Variants in NT5DC3 observed in about 807,000 individuals in gnomAD.
The protein encoded by NT5DC3 is 5'-nucleotidase domain containing 3, also known as 5'-nucleotidase domain-containing protein 3.
In NT5DC3, 42 loss-of-function variants were observed where a neutral mutation model predicts 67.8. The observed-to-expected ratio is 0.62, with a 90% CI of 0.48 to 0.80. The LOEUF (loss-of-function observed/expected upper bound fraction) is 0.80, where lower values mean the gene tolerates loss of function less well. Ranked by LOEUF, NT5DC3 falls within the 30% of genes least tolerant of loss-of-function variation. The pLI is 0.00. For missense variants in NT5DC3, 570 were observed against 696.4 expected, an observed-to-expected ratio of 0.82 and a Z score of 2.04; for synonymous variants, 237 against 255.6, an observed-to-expected ratio of 0.93 and a Z score of 0.69.
chr12:103,831,922 T>A (rs1345494043), intron 1 of NT5DC3, among the ~76,000 whole-genome samples: 1 of 151,682 alleles, frequency 6.6e-6, no homozygotes, highest in East Asian at 1.9e-4. Flanking sequence ...GATTACAGGC[T>A]CATGCCACCT....
intron 6 of NT5DC3, 66 bp from the exon 7 acceptor site, chr12:103,794,063 G>A: frequency 8.2e-7 from 1 of 1,224,540 alleles, no homozygotes; most frequent in Non-Finnish European, 1.2e-6. Context: ...CAGTACAAGT[G>A]AAATGGCAGT....
In NT5DC3 at chr12:103,790,694, C is replaced by CTT. The variant is rs67812943; in HGVS notation, c.1020-1777_1020-1776dup. Among the ~76,000 whole-genome samples, 664 of 74,398 alleles carry CTT rather than the reference C, an allele frequency of 8.9e-3. 9 individuals carry two copies. The highest frequency in any genetic ancestry group is 0.017 in the African/African-American group (315 of 18,434). 48.8% of individuals were successfully genotyped at this position (74,398 alleles called of 152,430 possible). ...CCACGGCACCCCGGCCCAAGTACAT[C>CTT]TTTTTTTTTTTTTTTTTTTTTTTTG... is the stretch of plus-strand genomic sequence containing the variant. On this transcript the variant is annotated intron_variant, in intron 9 of 13. Coordinates refer to ENST00000392876, the MANE Select transcript of NT5DC3 (RefSeq NM_001031701.3).
At chr12:103,813,036 C>G (rs1478461591) in intron 2 of NT5DC3, among the ~76,000 whole-genome samples, 4 of 152,212 alleles carry the variant, frequency 2.6e-5, no homozygotes, top group African/African-American at 9.7e-5. Context: ...ATTTGAACCC[C>G]AGCAGTGAGG....
chr12:103,753,413 C>CTTTATTTTTTTTTTTTTTTTTT, the NT5DC3 span: 1 of 1,610,234 alleles, frequency 6.2e-7, no homozygotes, highest in Non-Finnish European at 8.5e-7. Context: ...AAGTGCAGCC[C>CTTTATTTTTTTTTTTTTTTTTT]TTTCTTAAGA....
At chr12:103,827,383 T>C (rs754586832) in intron 1 of NT5DC3, among the ~76,000 whole-genome samples, 1 of 152,240 alleles carries the variant, frequency 6.6e-6, no homozygotes, top group Non-Finnish European at 1.5e-5. Flanking sequence ...AAAAGTCTAC[T>C]TGAGACTAAT....
At chr12:103,755,676 G>C in the NT5DC3 span, 2 of 1,614,174 alleles carry the variant, frequency 1.2e-6, no homozygotes, top group East Asian at 4.5e-5. Flanking sequence ...GGAACCTGCT[G>C]CAGGTCCTGA....
chr12:103,779,173 A>G (rs1885449714), intron 13 of NT5DC3, among the ~76,000 whole-genome samples: 1 of 152,178 alleles, frequency 6.6e-6, no homozygotes, highest in African/African-American at 2.4e-5. Context: ...ACCATTACAT[A>G]CTTCAATGCC....
the NT5DC3 span, among the ~76,000 whole-genome samples, chr12:103,765,086 C>CAAAAAA: frequency 3.0e-5 from 2 of 66,516 alleles, no homozygotes; most frequent in Non-Finnish European, 5.6e-5. Context: ...GACTCTGTCT[C>CAAAAAA]AAAAAAAAAA....
At position 103,814,952 on chromosome 12, in the gene NT5DC3, G is replaced by T; in HGVS notation, c.378C>A (p.Leu126=). 6.2e-7 allele frequency: 1 copy of T among 1,607,174 alleles called. No homozygotes were observed. Among genetic ancestry groups the T allele is most frequent in the South Asian group, 1.1e-5 (1 of 89,232 alleles). Residue 126 remains leucine, a synonymous_variant, in exon 2 of 14, where the codon CTC becomes CTA. Transcript: ENST00000392876. The stretch of plus-strand genomic sequence containing the variant: ...GTGATCTTACCCGGTGTTCATTGAT[G>T]AGAAGGTCCCGTGCAGCATTAAATA... ...TLIFNAARDL[L]INEHRYPAEI... is the part of the protein sequence containing the mutation.
intron 1 of NT5DC3, among the ~76,000 whole-genome samples, chr12:103,816,960 CTTTTTTCTTTTT>C (rs1357471362): frequency 1.9e-4 from 17 of 91,376 alleles, no homozygotes; most frequent in African/African-American, 6.2e-4. Flanking sequence ...GCAGTCTTTT[CTTTTTTCTTTTT>C]TTTTTTTTTG....
Position 103,777,955 on chromosome 12 carries a change from G to C in NT5DC3, c.1521C>G (p.Leu507=), listed in dbSNP as rs747558597. ...AAGTGTGGCTGACGTCATAGTTCAG[G>C]AGGCAGCTCAGAGACGCCATGTAGA... ...ADIYMASLSC[L]LNYDVSHTFY... is the part of the protein sequence containing the mutation. The change falls in exon 14 of 14, where the codon CTC becomes CTG. Residue 507 remains leucine, a synonymous_variant. Transcript: ENST00000392876. 6.2e-7 allele frequency: 1 copy of C among 1,614,084 alleles called. No homozygotes were observed. Among genetic ancestry groups the C allele is most frequent in the South Asian group, 1.1e-5 (1 of 91,092 alleles).
At chr12:103,786,681 ATT>A (rs3036176) in intron 11 of NT5DC3, among the ~76,000 whole-genome samples, 34 of 132,300 alleles carry the variant, frequency 2.6e-4, no homozygotes, top group Admixed American at 4.0e-4. Flanking sequence ...CACTGGTTTG[ATT>A]TTTTTTTTTT....
chr12:103,789,102 A>G, intron 9 of NT5DC3, 183 bp from the exon 10 acceptor site: 3 of 581,864 alleles, frequency 5.2e-6, no homozygotes, highest in Non-Finnish European at 9.2e-6. Context: ...TGTGAAGCCC[A>G]GTATCCAAAG....
chr12:103,816,195 T>C (rs2139424953), intron 1 of NT5DC3, among the ~76,000 whole-genome samples: 1 of 152,302 alleles, frequency 6.6e-6, no homozygotes, highest in African/African-American at 2.4e-5. Flanking sequence ...AACAGGACCA[T>C]TTTGGATATA....
At chr12:103,749,007 G>A in the NT5DC3 span, 5 of 1,614,108 alleles carry the variant, frequency 3.1e-6, no homozygotes, top group Non-Finnish European at 3.4e-6. Context: ...TGCAAAGGTG[G>A]CCAGATGCTC....
chr12:103,766,131 C>G, downstream of NT5DC3: 1 of 1,037,060 alleles, frequency 9.6e-7, no homozygotes, highest in Non-Finnish European at 1.5e-6. Context: ...ATCCTGCCTC[C>G]CAACACAAGG....
intron 4 of NT5DC3, among the ~76,000 whole-genome samples, chr12:103,800,629 G>A (rs1450825676): frequency 6.6e-6 from 1 of 152,230 alleles, no homozygotes; most frequent in Admixed American, 6.5e-5. Flanking sequence ...CCAAGAAGCA[G>A]CTGCATCGAA....
At position 103,818,207 on chromosome 12, in the gene NT5DC3, C is replaced by A. The variant is rs115290443; in HGVS notation, c.209-3086G>T. 5.2e-3 allele frequency among the ~76,000 whole-genome samples: 798 copies of A among 152,296 alleles called. 8 individuals are homozygous for A. The highest frequency in any genetic ancestry group is 0.018 in the African/African-American group (759 of 41,552). ...AAAACCAAGCCTTTATATCCCTACA[C>A]AGAATTTCCAGGTCATTATGAAGGC... is the stretch of plus-strand genomic sequence containing the variant. On this transcript the variant is annotated intron_variant, in intron 1 of 13. Coordinates refer to ENST00000392876, the MANE Select transcript of NT5DC3 (RefSeq NM_001031701.3).
At chr12:103,748,212 C>T in the NT5DC3 span, among the ~76,000 whole-genome samples, 1 of 152,142 alleles carries the variant, frequency 6.6e-6, no homozygotes, top group African/African-American at 2.4e-5. Flanking sequence ...ACAATGGCAA[C>T]AAAGACCTAG....
Sources: allele counts gnomAD v4.1 joint callset (sites outside exome capture counted in the v4.1 genomes callset), GRCh38; gene constraint gnomAD v4.1.1; transcripts MANE v1.5; gene names NCBI Gene and HGNC (gene_info 2026-07-23, HGNC 2026-07-21).